The following RYR3 variants were observed in gnomAD, a reference collection of about 807,000 sequenced individuals.
RYR3 encodes the protein ryanodine receptor 3, also known as brain ryanodine receptor-calcium release channel.
Under a neutral mutation model 584.3 loss-of-function variants are expected in RYR3, and 207 were observed. The ratio of observed to expected loss-of-function variants is 0.35; its 90% CI spans 0.32 to 0.40. RYR3 has a LOEUF of 0.40. Among genes scored for constraint, RYR3 ranks in the 10% least tolerant of loss-of-function variants. RYR3 has a pLI of 1.00. For synonymous variants in RYR3, 2,416 were observed against 2,248.5 expected, an observed-to-expected ratio of 1.07 and a Z score of -2.11; for missense variants, 5,616 against 6,089.2, an observed-to-expected ratio of 0.92 and a Z score of 2.59.
intron 43 of RYR3, 44 bp from the exon 44 acceptor site, chr15:33,722,671 G>T: frequency 6.5e-7 from 1 of 1,540,832 alleles, no homozygotes; most frequent in South Asian, 1.1e-5. Flanking sequence ...AAATTCTGGG[G>T]TTGTCCTTTT....
chr15:33,688,778 A>C (rs1308677203), intron 38 of RYR3, among the ~76,000 whole-genome samples: 2 of 152,124 alleles, frequency 1.3e-5, no homozygotes, highest in Non-Finnish European at 2.9e-5. Flanking sequence ...CTGTTGGTGG[A>C]AGTGTAAAGT....
intron 49 of RYR3, among the ~76,000 whole-genome samples, chr15:33,737,631 C>T (rs1596366782): frequency 6.6e-6 from 1 of 152,198 alleles, no homozygotes; most frequent in East Asian, 1.9e-4. Flanking sequence ...CCTCCAAGGG[C>T]TAATTCTACT....
chr15:33,573,748 A>G (rs1029086107), intron 12 of RYR3, among the ~76,000 whole-genome samples: 1 of 152,192 alleles, frequency 6.6e-6, no homozygotes, highest in African/African-American at 2.4e-5. Flanking sequence ...GATAGGTGAT[A>G]ATTGTAGTTG....
At chr15:33,489,300 A>T (rs753628904) in intron 2 of RYR3, among the ~76,000 whole-genome samples, 5 of 152,168 alleles carry the variant, frequency 3.3e-5, no homozygotes, top group Non-Finnish European at 7.3e-5. Context: ...AGAGTATTTC[A>T]TCATCCAGGT....
At chr15:33,742,328 G>T (rs138414127) in intron 51 of RYR3, 38 bp from the exon 52 acceptor site, 4 of 1,312,574 alleles carry the variant, frequency 3.0e-6, no homozygotes, top group Middle Eastern at 3.7e-4. Context: ...TGGCTGAAGT[G>T]CTTGGGGAGG....
At chr15:33,330,491 C>G (rs1157799476) in intron 1 of RYR3, among the ~76,000 whole-genome samples, 1 of 152,144 alleles carries the variant, frequency 6.6e-6, no homozygotes, top group Non-Finnish European at 1.5e-5. Context: ...CCAGGAGGCT[C>G]TCTCTCCTGT....
intron 48 of RYR3, 24 bp downstream of exon 48, chr15:33,731,718 A>T: frequency 6.7e-7 from 1 of 1,491,894 alleles, no homozygotes; most frequent in Non-Finnish European, 9.3e-7. Context: ...CTATGTTGTT[A>T]CTTCTGTGTA....
At chr15:33,348,314 C>T (rs1004376593) in intron 1 of RYR3, among the ~76,000 whole-genome samples, 1 of 152,168 alleles carries the variant, frequency 6.6e-6, no homozygotes, top group Non-Finnish European at 1.5e-5. Context: ...TTCCTATAGC[C>T]TGTAGTCTTA....
chr15:33,478,954 T>G (rs2049695110), intron 2 of RYR3, among the ~76,000 whole-genome samples: 1 of 152,240 alleles, frequency 6.6e-6, no homozygotes, highest in South Asian at 2.1e-4. Flanking sequence ...GTCTAAAGTC[T>G]TGAGGCTGTA....
intron 12 of RYR3, among the ~76,000 whole-genome samples, chr15:33,577,740 A>G (rs1192513001): frequency 6.6e-6 from 1 of 152,220 alleles, no homozygotes. Flanking sequence ...GTCAAAAGCA[A>G]ATGCAACAAA....
intron 27 of RYR3, among the ~76,000 whole-genome samples, chr15:33,641,665 A>G (rs1422582334): frequency 6.6e-6 from 1 of 152,104 alleles, no homozygotes; most frequent in Non-Finnish European, 1.5e-5. Flanking sequence ...TTCTGACTCA[A>G]GCCTTAGATT....
chr15:33,662,679 T>A lies in RYR3; in HGVS notation c.5149T>A (p.Ser1717Thr). Residue 1717 changes from serine (S) to threonine (T), a missense_variant, in exon 35 of 104, where the codon TCT (serine) becomes ACT (threonine). Around this residue, in one of 9 missense-constraint regions of RYR3, gnomAD observed 753 missense variants for 741.0 expected, o/e 1.02. Transcript: ENST00000634891. ...CCACATCCGAGACCCTGTAGGGGGG[T>A]CTGTGGAGTTCCAGTTTGTGCCTGT... is the stretch of plus-strand genomic sequence containing the variant. ...GAHIRDPVGG[S>T]VEFQFVPVLK... The A allele has an allele frequency of 6.2e-7, 1 of 1,613,376 alleles. No homozygotes were observed. Among genetic ancestry groups the A allele is most frequent in the Non-Finnish European group, 8.5e-7 (1 of 1,179,822 alleles).
chr15:33,347,143 T>C (rs954697295), intron 1 of RYR3, among the ~76,000 whole-genome samples: 7 of 152,152 alleles, frequency 4.6e-5, no homozygotes, highest in Admixed American at 3.3e-4. Context: ...ATAGTACTTG[T>C]TGGCTTTCTC....
chr15:33,342,878 G>A (rs1235382793), intron 1 of RYR3, among the ~76,000 whole-genome samples: 5 of 152,138 alleles, frequency 3.3e-5, no homozygotes, highest in Admixed American at 6.5e-5. Flanking sequence ...ATCCTTCCCA[G>A]TGTTGGAGGA....
intron 43 of RYR3, among the ~76,000 whole-genome samples, chr15:33,711,195 A>G (rs1319408275): frequency 6.6e-6 from 1 of 150,926 alleles, no homozygotes; most frequent in Admixed American, 6.6e-5. Context: ...TCACATCTGA[A>G]CATAGGTTGT....
intron 1 of RYR3, among the ~76,000 whole-genome samples, chr15:33,361,055 G>A (rs1278012277): frequency 6.6e-6 from 1 of 152,202 alleles, no homozygotes; most frequent in Non-Finnish European, 1.5e-5. Flanking sequence ...TGGAGCACAT[G>A]GTGTGTTCCC....
chr15:33,443,258 C>CAAAA (rs5811759), intron 1 of RYR3, among the ~76,000 whole-genome samples: 2 of 137,054 alleles, frequency 1.5e-5, no homozygotes, highest in African/African-American at 2.6e-5. Flanking sequence ...GACTCCACCT[C>CAAAA]AAAAAAAAAA....
intron 66 of RYR3, 42 bp from the exon 67 acceptor site, chr15:33,788,176 C>T: frequency 6.2e-7 from 1 of 1,610,530 alleles, no homozygotes; most frequent in Non-Finnish European, 8.5e-7. Context: ...TCATCAATTG[C>T]CATAATACGT....
intron 2 of RYR3, among the ~76,000 whole-genome samples, chr15:33,479,847 C>T (rs577119917): frequency 1.3e-5 from 2 of 152,274 alleles, no homozygotes; most frequent in South Asian, 4.1e-4. Context: ...GTCTGGCATT[C>T]CTAAGTTAGA....
Sources: gnomAD v4.1 joint callset for allele counts (sites outside exome capture counted in the v4.1 genomes callset) on GRCh38, gnomAD v4.1.1 for gene constraint, gnomAD v4.1.1 regional missense constraint, MANE v1.5 for transcripts, NCBI Gene and HGNC (gene_info 2026-07-23, HGNC 2026-07-21) for gene names.